Variants in GRIN2A observed in about 807,000 individuals in gnomAD.
GRIN2A encodes glutamate receptor ionotropic, NMDA 2A.
GRIN2A carries 22 observed loss-of-function variants against 113.4 expected under a neutral mutation model. The observed-to-expected ratio is 0.19, with a 90% CI of 0.14 to 0.28. GRIN2A has a LOEUF of 0.28. GRIN2A is among the 10% of genes least tolerant of loss of function. GRIN2A has a pLI of 1.00. For missense variants in GRIN2A, 1,502 were observed against 1,887.0 expected (o/e 0.80, Z 3.78); for synonymous variants, 827 against 738.4 (o/e 1.12, Z -1.94).
intron 2 of GRIN2A, among the ~76,000 whole-genome samples, chr16:10,011,459 G>T (rs1007193284): frequency 6.6e-6 from 1 of 152,050 alleles, no homozygotes. Flanking sequence ...ATCAGTCTAC[G>T]TGTCTACTCT....
intron 2 of GRIN2A, among the ~76,000 whole-genome samples, chr16:10,140,226 A>T (rs1409655572): frequency 6.6e-6 from 1 of 152,202 alleles, no homozygotes; most frequent in African/African-American, 2.4e-5. Context: ...ATTTTTTTAA[A>T]TAAAATCGAT....
At chr16:10,003,254 G>C (rs138459766) in intron 2 of GRIN2A, among the ~76,000 whole-genome samples, 23 of 152,248 alleles carry the variant, frequency 1.5e-4, no homozygotes, top group Admixed American at 8.5e-4. Context: ...GATTCCAATG[G>C]GAGAGGCATG....
intron 2 of GRIN2A, among the ~76,000 whole-genome samples, chr16:10,082,983 T>C (rs1180297497): frequency 6.6e-6 from 1 of 152,220 alleles, no homozygotes; most frequent in Non-Finnish European, 1.5e-5. Flanking sequence ...TACCCAGGGC[T>C]GACTTGATCA....
chr16:10,083,653 T>A (rs7206094), intron 2 of GRIN2A, among the ~76,000 whole-genome samples: 1 of 151,632 alleles, frequency 6.6e-6, no homozygotes, highest in African/African-American at 2.4e-5. Context: ...TCACCCCCGA[T>A]CCCTACTCTC....
intron 2 of GRIN2A, among the ~76,000 whole-genome samples, chr16:10,029,464 G>C (rs1183907020): frequency 2.6e-5 from 4 of 152,140 alleles, no homozygotes; most frequent in African/African-American, 9.7e-5. Flanking sequence ...GAAGTGCTGG[G>C]ATTAGAGGCG....
intron 3 of GRIN2A, among the ~76,000 whole-genome samples, chr16:9,904,487 T>A (rs2043991017): frequency 6.6e-6 from 1 of 152,166 alleles, no homozygotes; most frequent in African/African-American, 2.4e-5. Context: ...TTCTCATGTC[T>A]CTGTCTCCCC....
chr16:10,160,098 G>C (rs1179870814), intron 2 of GRIN2A, among the ~76,000 whole-genome samples: 1 of 152,218 alleles, frequency 6.6e-6, no homozygotes, highest in African/African-American at 2.4e-5. Flanking sequence ...GGCTGTAAGA[G>C]GGTAAAAGTG....
chr16:10,156,184 A>G (rs1596561153), intron 2 of GRIN2A, among the ~76,000 whole-genome samples: 1 of 152,094 alleles, frequency 6.6e-6, no homozygotes, highest in East Asian at 1.9e-4. Context: ...GTGATTTTCA[A>G]CTCTCTTGCT....
intron 2 of GRIN2A, among the ~76,000 whole-genome samples, chr16:10,017,551 G>A (rs1361196501): frequency 6.6e-6 from 1 of 152,166 alleles, no homozygotes; most frequent in Non-Finnish European, 1.5e-5. Flanking sequence ...AGTGCTCTGA[G>A]AAATATGAAC....
At chr16:10,017,608 A>G (rs2046635013) in intron 2 of GRIN2A, among the ~76,000 whole-genome samples, 1 of 152,200 alleles carries the variant, frequency 6.6e-6, no homozygotes, top group Non-Finnish European at 1.5e-5. Flanking sequence ...GTTGTACAAA[A>G]GAACAAGCAT....
chr16:9,813,773 G>A (rs1250433942), intron 10 of GRIN2A, among the ~76,000 whole-genome samples: 1 of 151,992 alleles, frequency 6.6e-6, no homozygotes, highest in African/African-American at 2.4e-5. Context: ...TGATGTGGAA[G>A]CAATTATTTT....
chr16:9,879,376 T>C (rs761513797), intron 4 of GRIN2A, among the ~76,000 whole-genome samples: 1 of 152,154 alleles, frequency 6.6e-6, no homozygotes, highest in Non-Finnish European at 1.5e-5. Context: ...AAATACCTAA[T>C]CTGAAAATAC....
At position 10,090,456 on chromosome 16, in the gene GRIN2A, G is replaced by A. The variant is rs116037320; in HGVS notation, c.414+89542C>T. Among the ~76,000 whole-genome samples, 759 of 152,218 alleles carry A rather than the reference G, an allele frequency of 5.0e-3. 6 individuals carry two copies. The highest frequency in any genetic ancestry group is 0.017 in the African/African-American group (718 of 41,542). On this transcript the variant is annotated intron_variant, in intron 2 of 12. Transcript: ENST00000330684. ...GAAAAAGATAGTCTTTTCAACACATGATGCTGGGAAAATTTGATATCAATA... is the reference window on the plus strand; with the variant it reads ...GAAAAAGATAGTCTTTTCAACACATAATGCTGGGAAAATTTGATATCAATA...
chr16:9,987,369 G>T (rs925185280), intron 2 of GRIN2A, among the ~76,000 whole-genome samples: 1 of 151,876 alleles, frequency 6.6e-6, no homozygotes, highest in African/African-American at 2.4e-5. Context: ...CAGAAACTAT[G>T]GAAGCAAAAA....
In GRIN2A at chr16:10,056,987, C is replaced by A. The variant is rs112935529; in HGVS notation, c.415-118436G>T. ...TCTCCAACCCCCAGCCAGTAATCTT[C>A]TCAACTATACAACCCTCCACCCCTC... On this transcript the variant is annotated intron_variant, in intron 2 of 12. Coordinates refer to ENST00000330684, the MANE Select transcript of GRIN2A (RefSeq NM_001134407.3). Among the ~76,000 whole-genome samples the A allele has an allele frequency of 5.1e-3, 769 of 152,138 alleles. 2 individuals carry two copies. Among genetic ancestry groups the A allele is most frequent in the African/African-American group, 0.018 (743 of 41,502 alleles).
intron 2 of GRIN2A, among the ~76,000 whole-genome samples, chr16:10,104,081 G>A (rs995246916): frequency 5.3e-5 from 8 of 152,220 alleles, no homozygotes; most frequent in Admixed American, 4.6e-4. Context: ...TATTTGTGAA[G>A]GGACTGTGAA....
intron 2 of GRIN2A, among the ~76,000 whole-genome samples, chr16:9,960,582 C>G (rs1468635864): frequency 6.6e-6 from 1 of 152,140 alleles, no homozygotes; most frequent in Non-Finnish European, 1.5e-5. Context: ...AATTGTATCA[C>G]TTGTTCCTAA....
chr16:9,855,945 C>T (rs1168502933), intron 4 of GRIN2A, among the ~76,000 whole-genome samples: 1 of 152,200 alleles, frequency 6.6e-6, no homozygotes, highest in African/African-American at 2.4e-5. Context: ...GCTGGCTCTT[C>T]CTCATTCTCT....
At position 9,764,371 on chromosome 16, in the gene GRIN2A, T is replaced by A. The variant is rs1190495786; in HGVS notation, c.3173A>T (p.His1058Leu). ...ATTTGACGTTTCTGAAATGTCAGAG[T>A]GGGCCATCTCTTCTGGAAGATACCT... is the stretch of plus-strand genomic sequence containing the variant. ...SPRYLPEEMA[H>L]SDISETSNRA... is the part of the protein sequence containing the mutation. Residue 1058 changes from histidine (H) to leucine (L), a missense_variant, in exon 13 of 13, where the codon CAC becomes CTC. His to Leu is a moderately conservative substitution (Grantham distance 99). Transcript: ENST00000330684. 6.2e-7 allele frequency: 1 copy of A among 1,613,948 alleles called. No homozygotes were observed. The highest frequency in any genetic ancestry group is 8.5e-7 in the Non-Finnish European group (1 of 1,179,990).
Sources: gnomAD v4.1 joint callset for allele counts (sites outside exome capture counted in the v4.1 genomes callset) on GRCh38, gnomAD v4.1.1 for gene constraint, MANE v1.5 for transcripts, NCBI Gene and HGNC (gene_info 2026-07-23, HGNC 2026-07-21) for gene names.